Variants in CNTN5 observed in about 807,000 individuals in gnomAD.
CNTN5 encodes the protein contactin 5.
A neutral mutation model predicts 129.1 loss-of-function variants in CNTN5; 77 were observed. The observed-to-expected ratio is 0.60, with a 90% CI of 0.50 to 0.72. The LOEUF is 0.72. Ranked by LOEUF, CNTN5 falls within the 30% of genes least tolerant of loss-of-function variation. The pLI is 0.00. For missense variants in CNTN5, 1,478 were observed against 1,328.8 expected, an observed-to-expected ratio of 1.11 and a Z score of -1.75; for synonymous variants, 509 against 465.6, an observed-to-expected ratio of 1.09 and a Z score of -1.20.
At chr11:99,443,849 A>G (rs376775501) in intron 2 of CNTN5, among the ~76,000 whole-genome samples, 1 of 152,188 alleles carries the variant, frequency 6.6e-6, no homozygotes, top group South Asian at 2.1e-4. Flanking sequence ...ATGATTTGGA[A>G]CACAAAGAAG....
At chr11:99,870,507 A>T (rs1028850882) in intron 6 of CNTN5, among the ~76,000 whole-genome samples, 1 of 152,188 alleles carries the variant, frequency 6.6e-6, no homozygotes, top group African/African-American at 2.4e-5. Flanking sequence ...TATAGTATTT[A>T]AACATAATGA....
intron 7 of CNTN5, among the ~76,000 whole-genome samples, chr11:99,937,591 T>A (rs1226416463): frequency 3.9e-5 from 6 of 152,220 alleles, no homozygotes; most frequent in Admixed American, 1.3e-4. Context: ...GGGTGCCATT[T>A]TAGTGGCTCC....
At chr11:100,102,879 C>A (rs1945277391) in intron 13 of CNTN5, among the ~76,000 whole-genome samples, 1 of 152,104 alleles carries the variant, frequency 6.6e-6, no homozygotes, top group Non-Finnish European at 1.5e-5. Flanking sequence ...TGGATTCTTC[C>A]TCTAACTGGC....
chr11:99,456,309 G>A (rs1031202348), intron 2 of CNTN5, among the ~76,000 whole-genome samples: 1 of 152,006 alleles, frequency 6.6e-6, no homozygotes, highest in Non-Finnish European at 1.5e-5. Flanking sequence ...GTTTTAGGTG[G>A]TTCTTTAGGT....
intron 8 of CNTN5, among the ~76,000 whole-genome samples, chr11:99,968,904 A>G (rs1951172726): frequency 6.6e-6 from 1 of 151,944 alleles, no homozygotes; most frequent in African/African-American, 2.4e-5. Flanking sequence ...GCAGGAATAT[A>G]GAAAATTTGG....
intron 9 of CNTN5, among the ~76,000 whole-genome samples, chr11:100,042,187 T>A (rs2137683863): frequency 1.3e-5 from 2 of 151,776 alleles, no homozygotes; most frequent in Middle Eastern, 3.5e-3. Flanking sequence ...ATGTAGATAG[T>A]AGCAATCACC....
chr11:99,584,109 A>G (rs1949712488), intron 3 of CNTN5, among the ~76,000 whole-genome samples: 2 of 152,152 alleles, frequency 1.3e-5, no homozygotes, highest in South Asian at 4.1e-4. Context: ...TCTCTACCAA[A>G]TGTTCTTTAT....
At chr11:99,240,965 A>C (rs1322381102) in intron 1 of CNTN5, among the ~76,000 whole-genome samples, 1 of 152,246 alleles carries the variant, frequency 6.6e-6, no homozygotes, top group Non-Finnish European at 1.5e-5. Context: ...TATACAAGTC[A>C]GAAATGTTCT....
intron 13 of CNTN5, among the ~76,000 whole-genome samples, chr11:100,190,381 T>G (rs1421476081): frequency 6.6e-6 from 1 of 152,142 alleles, no homozygotes; most frequent in African/African-American, 2.4e-5. Context: ...ACTAATTAAA[T>G]TTGAAATCTG....
intron 16 of CNTN5, among the ~76,000 whole-genome samples, chr11:100,230,815 A>C (rs75851710): frequency 1.3e-5 from 2 of 152,184 alleles, no homozygotes; most frequent in African/African-American, 2.4e-5. Context: ...AAATATTCTG[A>C]CTTCACTCTT....
chr11:99,817,898 CAA>C (rs913257518), intron 3 of CNTN5, among the ~76,000 whole-genome samples: 3 of 152,224 alleles, frequency 2.0e-5, no homozygotes, highest in East Asian at 1.9e-4. Flanking sequence ...GGTTGACCAG[CAA>C]AGAGTCAAGG....
At chr11:100,211,211 A>T (rs1190570826) in intron 15 of CNTN5, among the ~76,000 whole-genome samples, 1 of 152,140 alleles carries the variant, frequency 6.6e-6, no homozygotes, top group Admixed American at 6.5e-5. Flanking sequence ...GGTGATGCCC[A>T]CCAGTAGTAA....
intron 3 of CNTN5, among the ~76,000 whole-genome samples, chr11:99,796,067 G>T (rs533152965): frequency 1.3e-4 from 20 of 152,252 alleles, no homozygotes; most frequent in East Asian, 1.2e-3. Context: ...AGTGATGGTG[G>T]CAATGCAATG....
intron 3 of CNTN5, among the ~76,000 whole-genome samples, chr11:99,593,143 A>G (rs1201797747): frequency 6.6e-6 from 1 of 152,154 alleles, no homozygotes; most frequent in Non-Finnish European, 1.5e-5. Context: ...GGATTTCCCT[A>G]TTCTGATGGA....
At chr11:99,418,003 A>T (rs1942735238) in intron 2 of CNTN5, among the ~76,000 whole-genome samples, 1 of 152,102 alleles carries the variant, frequency 6.6e-6, no homozygotes, top group Non-Finnish European at 1.5e-5. Flanking sequence ...AGATTTATGA[A>T]TATATAGCCT....
Position 100,132,897 on chromosome 11 carries a change from GT to G in CNTN5, c.1581-58224del, listed in dbSNP as rs2138215944. Among the ~76,000 whole-genome samples the G allele has an allele frequency of 1.3e-5, 2 of 152,102 alleles. 1 individual carries two copies. The highest frequency in any genetic ancestry group is 4.8e-5 in the African/African-American group (2 of 41,518). ...GCTTTTCATATATAGCAAAACTAGT[GT>G]TTTTGAATTATGATTTGCAAATAAA... On this transcript the variant is annotated intron_variant, in intron 13 of 24. Coordinates refer to ENST00000524871, the MANE Select transcript of CNTN5 (RefSeq NM_014361.4).
chr11:100,212,780 G>A (rs969100066), intron 15 of CNTN5, among the ~76,000 whole-genome samples: 1 of 152,060 alleles, frequency 6.6e-6, no homozygotes. Context: ...CAGATATAAT[G>A]TCCAATAACT....
At chr11:99,775,577 AATCTAAAACT>A (rs2135359731) in intron 3 of CNTN5, among the ~76,000 whole-genome samples, 1 of 152,172 alleles carries the variant, frequency 6.6e-6, no homozygotes, top group African/African-American at 2.4e-5. Flanking sequence ...CTGGAAAAAT[AATCTAAAACT>A]ATTCTTAAAA....
intron 2 of CNTN5, among the ~76,000 whole-genome samples, chr11:99,353,546 G>T (rs572006044): frequency 7.9e-5 from 12 of 152,276 alleles, no homozygotes; most frequent in African/African-American, 2.6e-4. Flanking sequence ...CAATCCAGTT[G>T]CTACTATCTC....
Sources: gnomAD v4.1 joint callset for allele counts (sites outside exome capture counted in the v4.1 genomes callset) on GRCh38, gnomAD v4.1.1 for gene constraint, MANE v1.5 for transcripts, NCBI Gene and HGNC (gene_info 2026-07-23, HGNC 2026-07-21) for gene names.